The following CDH2 variants were observed in gnomAD, a reference collection of about 807,000 sequenced individuals.
CDH2 encodes the protein cadherin-2.
In CDH2, 17 loss-of-function variants were observed where a neutral mutation model predicts 92.0. The observed-to-expected ratio is 0.18, with a 90% CI of 0.13 to 0.28. The LOEUF is 0.28. Among genes scored for constraint, CDH2 ranks in the 10% least tolerant of loss-of-function variants. The pLI, the probability that CDH2 is intolerant of heterozygous loss-of-function variation, is 1.00. For missense variants in CDH2, 862 were observed against 1,133.1 expected (o/e 0.76, Z 3.44); for synonymous variants, 419 against 415.9 (o/e 1.01, Z -0.09).
chr18:28,109,114 T>C (rs973533085), intron 2 of CDH2, among the ~76,000 whole-genome samples: 9 of 152,178 alleles, frequency 5.9e-5, no homozygotes, highest in Admixed American at 5.2e-4. Context: ...ATACTGTATC[T>C]ACAAACTCCT....
chr18:27,982,902 C>A (rs200453122), intron 14 of CDH2, 42 bp downstream of exon 14: 5 of 1,388,612 alleles, frequency 3.6e-6, no homozygotes, highest in Non-Finnish European at 3.9e-6. Context: ...TAAATTTATA[C>A]GATCATAAAA....
In CDH2 at chr18:28,021,716, G is replaced by T. The variant is rs183122951; in HGVS notation, c.173-7807C>A. On this transcript the variant is annotated intron_variant, in intron 2 of 15. Transcript: ENST00000269141. ...AAACCACAGATCTTATATATTAAAT[G>T]TATTAGCATTTAACAGCACTACATA... 2.2e-3 allele frequency among the ~76,000 whole-genome samples: 328 copies of T among 151,966 alleles called. 4 individuals are homozygous for T. Among genetic ancestry groups the T allele is most frequent in the Non-Finnish European group, 4.7e-4 (32 of 67,858 alleles).
At position 28,176,783 on chromosome 18, in the gene CDH2, C is replaced by T. The variant is rs571284466; in HGVS notation, c.60+180G>A. On this transcript the variant is annotated intron_variant, in intron 1 of 15. Coordinates refer to ENST00000269141, the MANE Select transcript of CDH2 (RefSeq NM_001792.5). ...CCTACTGGCCCCGGCAACCCTGCCC[C>T]GGCGCCCGGACGGAGCCCGATGCCT... 1.2e-3 allele frequency among the ~76,000 whole-genome samples: 176 copies of T among 151,536 alleles called. 1 individual carries two copies. In the Middle Eastern group the frequency reaches 0.017, roughly 15 times the overall value.
At chr18:28,014,406 G>T (rs756330245) in intron 2 of CDH2, among the ~76,000 whole-genome samples, 1 of 152,098 alleles carries the variant, frequency 6.6e-6, no homozygotes, top group Non-Finnish European at 1.5e-5. Flanking sequence ...TGCATACCCT[G>T]CATACTTTCT....
rs1365366364 is a variant in CDH2, at chr18:27,952,401, G to T, written c.2515-42C>A. On this transcript the variant is annotated intron_variant, in intron 15 of 15. Coordinates refer to ENST00000269141, the MANE Select transcript of CDH2 (RefSeq NM_001792.5). Reference sequence around the variant, plus strand: ...CAAAGAATGAAAGAATTAAGAGAGGGTTACACTTTACAAAACCACAAGCAG... The same window carrying T: ...CAAAGAATGAAAGAATTAAGAGAGGTTTACACTTTACAAAACCACAAGCAG... 2.0e-6 allele frequency: 3 copies of T among 1,514,018 alleles called. No homozygotes were observed. In the African/African-American group the frequency reaches 4.1e-5, roughly 21 times the overall value. 93.8% of individuals were successfully genotyped at this position (1,514,018 alleles called of 1,614,324 possible).
At chr18:28,068,447 T>C (rs1018390942) in intron 2 of CDH2, among the ~76,000 whole-genome samples, 3 of 152,164 alleles carry the variant, frequency 2.0e-5, no homozygotes, top group African/African-American at 7.2e-5. Flanking sequence ...AACACTCATG[T>C]CACTATCAAC....
At chr18:28,155,560 C>T (rs959993847) in intron 1 of CDH2, among the ~76,000 whole-genome samples, 20 of 152,046 alleles carry the variant, frequency 1.3e-4, no homozygotes, top group Admixed American at 1.3e-4. Flanking sequence ...CTTCATGATA[C>T]GTGATTTGTG....
chr18:28,090,509 C>A (rs567170505), intron 2 of CDH2, among the ~76,000 whole-genome samples: 1 of 152,102 alleles, frequency 6.6e-6, no homozygotes, highest in Admixed American at 6.6e-5. Flanking sequence ...ACAGCTTCTT[C>A]CCCCCAGGCA....
Position 27,988,255 on chromosome 18 carries a change from T to A in CDH2, c.1741+269A>T, listed in dbSNP as rs565616344. Among the ~76,000 whole-genome samples the A allele has an allele frequency of 3.3e-5, 5 of 152,242 alleles. No individual in the cohort carries two copies. In the East Asian group the frequency reaches 9.7e-4, roughly 29 times the overall value. ...ACCCAGTGTCTAGGGCCACTGAGGA[T>A]GGACTTAAGGCATCAACATGTGACA... On this transcript the variant is annotated intron_variant, in intron 11 of 15. Transcript: ENST00000269141.
chr18:28,129,664 C>T (rs1256553733), intron 2 of CDH2, among the ~76,000 whole-genome samples: 2 of 152,050 alleles, frequency 1.3e-5, no homozygotes, highest in Admixed American at 6.6e-5. Context: ...TCTGTCTCTA[C>T]AAAAAATTAA....
chr18:28,055,361 ATATCACTAGGCT>A (rs2014271574), intron 2 of CDH2, among the ~76,000 whole-genome samples: 1 of 152,186 alleles, frequency 6.6e-6, no homozygotes, highest in Non-Finnish European at 1.5e-5. Flanking sequence ...CAGCCAATCC[ATATCACTAGGCT>A]TATTATGCCT....
intron 14 of CDH2, among the ~76,000 whole-genome samples, chr18:27,977,824 G>A (rs1383657836): frequency 3.9e-5 from 6 of 152,058 alleles, no homozygotes; most frequent in African/African-American, 9.7e-5. Flanking sequence ...CCAGCACCTC[G>A]TCATCACCAG....
chr18:27,959,034 C>CAA (rs575951977), intron 15 of CDH2, among the ~76,000 whole-genome samples: 407 of 152,102 alleles, frequency 2.7e-3, no homozygotes, highest in African/African-American at 9.2e-3. Context: ...AGCGTGAAAA[C>CAA]AGAAAAATAC....
At chr18:27,985,459 T>C (rs2012199435) in intron 12 of CDH2, 69 bp downstream of exon 12, 1 of 1,064,618 alleles carries the variant, frequency 9.4e-7, no homozygotes, top group Non-Finnish European at 1.4e-6. Context: ...GCACATAAAA[T>C]TAACTTTTCA....
chr18:28,011,898 G>C lies in CDH2; in HGVS notation c.494C>G (p.Pro165Arg). 6.2e-7 allele frequency: 1 copy of C among 1,614,006 alleles called. No individual in the cohort carries two copies. The highest frequency in any genetic ancestry group is 8.5e-7 in the Non-Finnish European group (1 of 1,179,920). Residue 165 changes from proline to arginine, a missense_variant, in exon 4 of 16, where the codon CCA becomes CGA. By Grantham distance (103) the Pro-to-Arg change is moderately radical (BLOSUM62 -2). Around this residue, in one of 5 missense-constraint regions of CDH2, gnomAD observed 21 missense variants for 61.8 expected, o/e 0.34. Transcript: ENST00000269141. Reference protein sequence around the residue: ...QRQKRDWVIPPINLPENSRGP... With the variant: ...QRQKRDWVIPRINLPENSRGP... ...CCTGGAGTTTTCTGGCAAGTTGATT[G>C]GAGGGATGACCCAGTCTCTCTTCTG...
At chr18:28,126,002 A>T (rs989542869) in intron 2 of CDH2, among the ~76,000 whole-genome samples, 1 of 152,194 alleles carries the variant, frequency 6.6e-6, no homozygotes, top group Admixed American at 6.5e-5. Flanking sequence ...TCTATGGTCA[A>T]TTGCATTATC....
rs141299109 is a variant in CDH2 at position 27,967,091 on chromosome 18, G to A, written c.2350-3570C>T. Among the ~76,000 whole-genome samples, 505 of 152,238 alleles carry A rather than the reference G, an allele frequency of 3.3e-3. 3 individuals carry two copies. Among genetic ancestry groups the A allele is most frequent in the Non-Finnish European group, 5.2e-3 (354 of 68,012 alleles). ...ATGGAAGCCTGTTAAATTCCTCCAC[G>A]GTGATGGTGTCCACAAAGAGGCAAA... On this transcript the variant is annotated intron_variant, in intron 14 of 15. Transcript: ENST00000269141.
intron 2 of CDH2, among the ~76,000 whole-genome samples, chr18:28,104,359 T>C (rs1476682166): frequency 6.6e-6 from 1 of 152,072 alleles, no homozygotes; most frequent in Non-Finnish European, 1.5e-5. Flanking sequence ...AACAGGAAAA[T>C]GGAGATTGTT....
chr18:27,951,510 A>G lies in CDH2; in HGVS notation c.*643T>C, dbSNP rs943175864. The G allele has an allele frequency of 2.6e-5, 4 of 152,748 alleles. No individual in the cohort carries two copies. The highest frequency in any genetic ancestry group is 9.7e-5 in the African/African-American group (4 of 41,428). 9.5% of individuals were successfully genotyped at this position (152,748 alleles called of 1,614,324 possible). A position where few individuals can be genotyped will look rare whatever the true frequency, so the allele number is the denominator to read the frequency against. On this transcript the variant is annotated 3_prime_UTR_variant, in exon 16 of 16. Coordinates refer to ENST00000269141, the MANE Select transcript of CDH2 (RefSeq NM_001792.5). ...AATAAAAAAGTGTACATGGATTAAG[A>G]CCAAAATGTGTCTAACATTCTAGTT...
Sources: allele counts gnomAD v4.1 joint callset (sites outside exome capture counted in the v4.1 genomes callset), GRCh38; gene constraint gnomAD v4.1.1; regional missense constraint gnomAD v4.1.1; transcripts MANE v1.5; gene names NCBI Gene and HGNC (gene_info 2026-07-23, HGNC 2026-07-21).